The following ANAPC1 variants were observed in gnomAD, a reference collection of about 807,000 sequenced individuals.
ANAPC1 encodes the protein anaphase promoting complex subunit 1.
ANAPC1 carries 36 observed loss-of-function variants against 208.0 expected under a neutral mutation model. That is an observed-to-expected ratio of 0.17 (90% CI 0.13 to 0.23). ANAPC1 has a LOEUF of 0.23. Among genes scored for constraint, ANAPC1 ranks in the 10% least tolerant of loss-of-function variants. The probability of loss-of-function intolerance (pLI) is 1.00; values close to 1 mark genes in which losing one functional copy is unlikely to be tolerated. For synonymous variants in ANAPC1, 378 were observed against 695.2 expected (o/e 0.54, Z 7.18); for missense variants, 942 against 2,011.6 (o/e 0.47, Z 10.17).
At chr2:111,855,880 A>C (rs1223748967) in intron 13 of ANAPC1, among the ~76,000 whole-genome samples, 3 of 152,226 alleles carry the variant, frequency 2.0e-5, no homozygotes, top group Non-Finnish European at 2.9e-5. Context: ...GTATGTATTT[A>C]AATTTCATAA....
chr2:111,825,063 T>C (rs1352003599), intron 23 of ANAPC1, 27 bp from the exon 24 acceptor site: 2 of 1,613,768 alleles, frequency 1.2e-6, no homozygotes, highest in South Asian at 1.1e-5. Context: ...CATAAAGTTA[T>C]TAAGCAGAAC....
intron 10 of ANAPC1, among the ~76,000 whole-genome samples, chr2:111,859,969 C>T (rs199514080): frequency 3.3e-5 from 5 of 152,052 alleles, no homozygotes; most frequent in East Asian, 1.9e-4. Flanking sequence ...CTTCTCAATT[C>T]GACTGGATAT....
At chr2:111,780,002 A>G (rs1055699161) in intron 44 of ANAPC1, 21 of 230,402 alleles carry the variant, frequency 9.1e-5, no homozygotes, top group Admixed American at 5.8e-4. Flanking sequence ...TAAACACTGA[A>G]AACATAAAGC....
intron 10 of ANAPC1, among the ~76,000 whole-genome samples, chr2:111,859,055 G>A (rs1383449123): frequency 6.6e-6 from 1 of 152,154 alleles, no homozygotes; most frequent in Non-Finnish European, 1.5e-5. Flanking sequence ...ATGCAAACTT[G>A]AATTCCTATC....
intron 46 of ANAPC1, among the ~76,000 whole-genome samples, chr2:111,774,928 C>T (rs576993547): frequency 2.8e-4 from 42 of 150,982 alleles, no homozygotes; most frequent in Admixed American, 5.9e-4. Context: ...TTGAAACCCG[C>T]TTTCTTTGCC....
At chr2:111,861,768 T>C (rs1466845351) in intron 10 of ANAPC1, among the ~76,000 whole-genome samples, 1 of 112,316 alleles carries the variant, frequency 8.9e-6, no homozygotes, top group East Asian at 2.4e-4. Flanking sequence ...AACATGAACA[T>C]AAAACTTAGG....
Position 111,873,553 on chromosome 2 carries a change from A to G in ANAPC1, c.427+60T>C, listed in dbSNP as rs954731460. 4 of 1,495,246 alleles carry G rather than the reference A, an allele frequency of 2.7e-6. No homozygotes were observed. The African/African-American group carries it at 5.7e-5, about 21-fold the overall frequency. 92.6% of individuals were successfully genotyped at this position (1,495,246 alleles called of 1,614,324 possible). A position where few individuals can be genotyped will look rare whatever the true frequency, so the allele number is the denominator to read the frequency against. On this transcript the variant is annotated intron_variant, in intron 4 of 47. Coordinates refer to ENST00000341068, the MANE Select transcript of ANAPC1 (RefSeq NM_022662.4). ...TGGCTACTTCATTTGAATGAAAAAT[A>G]CAATGAGATAAATATTTGGAATCAT...
intron 11 of ANAPC1, 83 bp downstream of exon 11, chr2:111,858,222 GC>G: frequency 9.9e-7 from 1 of 1,010,404 alleles, no homozygotes; most frequent in Non-Finnish European, 1.4e-6. Flanking sequence ...AACTACTTAA[GC>G]CAAAAAAAAA....
chr2:111,788,868 G>T (rs1677711124), intron 38 of ANAPC1, among the ~76,000 whole-genome samples: 1 of 152,040 alleles, frequency 6.6e-6, no homozygotes, highest in Non-Finnish European at 1.5e-5. Flanking sequence ...GCCATGCGCG[G>T]TGGCTCACGC....
At chr2:111,789,272 T>C (rs1482215148) in intron 38 of ANAPC1, among the ~76,000 whole-genome samples, 2 of 151,848 alleles carry the variant, frequency 1.3e-5, no homozygotes, top group Non-Finnish European at 2.9e-5. Flanking sequence ...AAAGGGTCTA[T>C]TAAAATTTTC....
rs1180333720 is a variant in ANAPC1, at chr2:111,824,240, C to CAA, written c.2812+724_2812+725dup. 4.7e-3 allele frequency among the ~76,000 whole-genome samples: 332 copies of CAA among 71,122 alleles called. 15 individuals carry two copies. The East Asian group carries it at 0.048, about 10-fold the overall frequency. The allele number at this position is 71,122 out of a possible 152,430, so 46.7% of individuals were successfully genotyped here. A position where few individuals can be genotyped will look rare whatever the true frequency, so the allele number is the denominator to read the frequency against. ...TTATTGTCATTTTTAAGGTAAAATG[C>CAA]AAAAAAAAAAAAAAAAAACCTGTCA... On this transcript the variant is annotated intron_variant, in intron 24 of 47. Transcript: ENST00000341068.
chr2:111,799,211 A>C (rs1357593303), intron 34 of ANAPC1, among the ~76,000 whole-genome samples: 1 of 152,240 alleles, frequency 6.6e-6, no homozygotes, highest in Non-Finnish European at 1.5e-5. Flanking sequence ...TCTCAACATT[A>C]ACAGTCAGCA....
chr2:111,873,436 A>C (rs1225232164), intron 4 of ANAPC1, 28 bp from the exon 5 acceptor site: 4 of 1,598,684 alleles, frequency 2.5e-6, no homozygotes, highest in East Asian at 2.2e-5. Context: ...AACAAGACTT[A>C]TGTGTTTTTT....
chr2:111,869,537 C>T (rs1318267296), intron 6 of ANAPC1, among the ~76,000 whole-genome samples: 2 of 152,176 alleles, frequency 1.3e-5, no homozygotes, highest in Non-Finnish European at 2.9e-5. Context: ...TGGGCCACCG[C>T]GCCCGGCCAA....
At chr2:111,864,462 AC>A (rs1553434776) in intron 8 of ANAPC1, among the ~76,000 whole-genome samples, 1 of 32,360 alleles carries the variant, frequency 3.1e-5, no homozygotes, top group Admixed American at 4.1e-4. Context: ...ATATATATAT[AC>A]TTTTTTTTTT....
intron 14 of ANAPC1, among the ~76,000 whole-genome samples, chr2:111,848,341 A>G (rs1193874255): frequency 1.3e-5 from 2 of 149,726 alleles, no homozygotes; most frequent in Non-Finnish European, 3.0e-5. Flanking sequence ...GTTCTTGGAG[A>G]GCCTTGCTTT....
At chr2:111,825,553 A>T (rs1217554792) in intron 22 of ANAPC1, among the ~76,000 whole-genome samples, 1 of 152,226 alleles carries the variant, frequency 6.6e-6, no homozygotes. Flanking sequence ...CTTCAGGCTA[A>T]AATAGTCCTT....
chr2:111,862,841 G>C (rs533123374), intron 9 of ANAPC1, among the ~76,000 whole-genome samples: 1 of 151,936 alleles, frequency 6.6e-6, no homozygotes, highest in Non-Finnish European at 1.5e-5. Context: ...CTAAAACTTA[G>C]ATCATCTTCT....
At chr2:111,877,251 C>A (rs901191913) in intron 3 of ANAPC1, among the ~76,000 whole-genome samples, 6 of 78,236 alleles carry the variant, frequency 7.7e-5, no homozygotes, top group Non-Finnish European at 1.3e-4. Context: ...ATCTTTTTAG[C>A]TAGAAAACCA....
Sources: gnomAD v4.1 joint callset for allele counts (sites outside exome capture counted in the v4.1 genomes callset) on GRCh38, gnomAD v4.1.1 for gene constraint, MANE v1.5 for transcripts, NCBI Gene and HGNC (gene_info 2026-07-23, HGNC 2026-07-21) for gene names.